Variants in PCDHGA7 observed in about 807,000 individuals in gnomAD.
PCDHGA7 encodes protocadherin gamma-A7.
In PCDHGA7, 44 loss-of-function variants were observed where a neutral mutation model predicts 58.3. The ratio of observed to expected loss-of-function variants is 0.75; its 90% CI spans 0.59 to 0.97. The LOEUF is 0.97. PCDHGA7 is among the 50% of genes least tolerant of loss of function. The pLI is 0.00. For missense variants in PCDHGA7, 1,266 were observed against 1,188.7 expected, an observed-to-expected ratio of 1.06 and a Z score of -0.96; for synonymous variants, 516 against 504.2, an observed-to-expected ratio of 1.02 and a Z score of -0.31.
chr5:141,393,578 G>A (rs748225192), intron 1 of PCDHGA7: 2 of 1,613,812 alleles, frequency 1.2e-6, no homozygotes, highest in South Asian at 1.1e-5. Context: ...TTGAGAACAT[G>A]CCCCCAGGCA....
At position 141,438,623 on chromosome 5, in the gene PCDHGA7, TATATATATATATAC is replaced by T. The variant is rs537048311; in HGVS notation, c.2424+53302_2424+53315del. Among the ~76,000 whole-genome samples the T allele has an allele frequency of 0.015, 646 of 42,812 alleles. 25 individuals are homozygous for T. In the East Asian group the frequency reaches 0.19, roughly 12 times the overall value. The allele number at this position is 42,812 out of a possible 152,430, so 28.1% of individuals were successfully genotyped here. A position where few individuals can be genotyped will look rare whatever the true frequency, so the allele number is the denominator to read the frequency against. On this transcript the variant is annotated intron_variant, in intron 1 of 3. Transcript: ENST00000518325. ...ATATATATATATATATATATATATA[TATATATATATATAC>T]ACACACACACACACATATATGTATA...
At chr5:141,423,119 G>T (rs769320490) in intron 1 of PCDHGA7, 2 of 1,613,774 alleles carry the variant, frequency 1.2e-6, no homozygotes, top group Non-Finnish European at 1.7e-6. Context: ...CGTACAGCGC[G>T]GGCACTGCTG....
At chr5:141,412,591 A>G (rs2095564760) in intron 1 of PCDHGA7, 1 of 152,214 alleles carries the variant, frequency 6.6e-6, no homozygotes, top group Non-Finnish European at 1.5e-5. Flanking sequence ...ATGAATGTAT[A>G]CTAAATAAAA....
At position 141,486,141 on chromosome 5, in the gene PCDHGA7, G is replaced by A. The variant is rs369317501; in HGVS notation, c.2425-8666G>A. 28 of 1,614,066 alleles carry A rather than the reference G, an allele frequency of 1.7e-5. No homozygotes were observed. The highest frequency in any genetic ancestry group is 2.3e-5 in the Non-Finnish European group (27 of 1,180,044). On this transcript the variant is annotated intron_variant, in intron 1 of 3. Transcript: ENST00000518325. This position sits in a 1 kb window ranked among gnomAD's most constrained non-coding sequence, Gnocchi z 5.0. ...TACTATGAATTTGATGTGCGGGCTC[G>A]CGATGGGGGTTCTCCAGCCATGGAG...
At chr5:141,410,058 T>C in intron 1 of PCDHGA7, 1 of 1,613,016 alleles carries the variant, frequency 6.2e-7, no homozygotes, top group Non-Finnish European at 8.5e-7. Context: ...CTCTTCAGCC[T>C]GGGGCTGCGC....
chr5:141,385,265 A>G lies in PCDHGA7; in HGVS notation c.2366A>G (p.Asp789Gly). ...LISQESCEKNDSLLTSVDFQE... is the reference protein window; with the variant it reads ...LISQESCEKNGSLLTSVDFQE... Reference sequence around the variant, plus strand: ...AGCCAGGAGAGCTGTGAGAAAAATGATTCTTTGCTAACATCCGTAGATTTT... The same window carrying G: ...AGCCAGGAGAGCTGTGAGAAAAATGGTTCTTTGCTAACATCCGTAGATTTT... Residue 789 changes from aspartate (D) to glycine (G), a missense_variant, in exon 1 of 4, where the codon GAT (aspartate) becomes GGT (glycine). By Grantham distance (94) the Asp-to-Gly change is moderately conservative (BLOSUM62 -1). Transcript: ENST00000518325. 1.2e-6 allele frequency: 2 copies of G among 1,613,710 alleles called. No individual in the cohort carries two copies. Among genetic ancestry groups the G allele is most frequent in the Non-Finnish European group, 1.7e-6 (2 of 1,179,576 alleles).
chr5:141,490,061 A>G lies in PCDHGA7; in HGVS notation c.2425-4746A>G, dbSNP rs1562135413. On this transcript the variant is annotated intron_variant, in intron 1 of 3. Transcript: ENST00000518325. This position sits in a 1 kb window ranked among gnomAD's most constrained non-coding sequence, Gnocchi z 5.4. Reference sequence around the variant, plus strand: ...GCCACTGATCCAGACGAGGGCACCAACGGCCAACTAGACTATTCTTTTGGA... The same window carrying G: ...GCCACTGATCCAGACGAGGGCACCAGCGGCCAACTAGACTATTCTTTTGGA... 1.2e-6 allele frequency: 2 copies of G among 1,614,214 alleles called. No individual in the cohort carries two copies. Among genetic ancestry groups the G allele is most frequent in the East Asian group, 2.2e-5 (1 of 44,884 alleles).
Position 141,511,165 on chromosome 5 carries a change from A to G in PCDHGA7, c.2791A>G (p.Lys931Glu). 1 of 1,614,096 alleles carries G rather than the reference A, an allele frequency of 6.2e-7. No homozygotes were observed. Among genetic ancestry groups the G allele is most frequent in the East Asian group, 2.2e-5 (1 of 44,870 alleles). ...CAAGAAGAAGTCGGGCAAGAAGGAGAAGAAGTAACATGGAGGCCAGGCCAA... is the reference window on the plus strand; with the variant it reads ...CAAGAAGAAGTCGGGCAAGAAGGAGGAGAAGTAACATGGAGGCCAGGCCAA... ...GNKKKSGKKE[K>E]K Residue 931 changes from lysine (K) to glutamate (E), a missense_variant, in exon 4 of 4, where the codon AAG (lysine) becomes GAG (glutamate). Physicochemically the swap from Lys to Glu is moderately conservative, Grantham distance 56. Transcript: ENST00000518325.
rs112078596 is a variant in PCDHGA7, at chr5:141,490,350, G to A, written c.2425-4457G>A. ...GCACACCAGTGGGCACAGTAGTGGG[G>A]TTGTTTAATGTGCGAGACCGGGACT... On this transcript the variant is annotated intron_variant, in intron 1 of 3. Coordinates refer to ENST00000518325, the MANE Select transcript of PCDHGA7 (RefSeq NM_018920.4). The surrounding 1 kb of genome is among the most constrained non-coding windows in gnomAD (Gnocchi z 5.4). 3.5e-5 allele frequency: 57 copies of A among 1,614,086 alleles called. No homozygotes were observed. The highest frequency in any genetic ancestry group is 4.6e-5 in the Non-Finnish European group (54 of 1,180,042).
At chr5:141,409,519 C>T in intron 1 of PCDHGA7, 1 of 1,614,040 alleles carries the variant, frequency 6.2e-7, no homozygotes, top group Non-Finnish European at 8.5e-7. Context: ...GAAGCATCAC[C>T]TTGTATGTCG....
At chr5:141,427,858 C>T in intron 1 of PCDHGA7, 1 of 1,555,500 alleles carries the variant, frequency 6.4e-7, no homozygotes, top group South Asian at 1.1e-5. Context: ...CAGCTGTGCG[C>T]CTTCGAGCTC....
At chr5:141,404,481 A>T in intron 1 of PCDHGA7, 1 of 1,613,836 alleles carries the variant, frequency 6.2e-7, no homozygotes, top group Non-Finnish European at 8.5e-7. Context: ...ATTAACTCAG[A>T]CACTGGTGTG....
In PCDHGA7 at chr5:141,487,120, T is replaced by C. The variant is rs1342042604; in HGVS notation, c.2425-7687T>C. 1.9e-6 allele frequency: 3 copies of C among 1,613,948 alleles called. No homozygotes were observed. Among genetic ancestry groups the C allele is most frequent in the Admixed American group, 1.7e-5 (1 of 60,028 alleles). ...AGAAGCTGGTCATTGTGGTAAAGGA[T>C]AGTGGTAGTCCACCACTCTCTACCT... On this transcript the variant is annotated intron_variant, in intron 1 of 3. Coordinates refer to ENST00000518325, the MANE Select transcript of PCDHGA7 (RefSeq NM_018920.4). The surrounding 1 kb of genome is among the most constrained non-coding windows in gnomAD (Gnocchi z 5.0).
intron 1 of PCDHGA7, chr5:141,412,044 A>T (rs1403784619): frequency 6.6e-6 from 1 of 152,194 alleles, no homozygotes; most frequent in East Asian, 1.9e-4. Context: ...AAAGAAGTGA[A>T]CTTCTATACC....
chr5:141,393,249 G>C, intron 1 of PCDHGA7: 7 of 1,613,786 alleles, frequency 4.3e-6, no homozygotes, highest in Non-Finnish European at 5.9e-6. Context: ...TAACGAAATC[G>C]CGGTTCCTGG....
At chr5:141,400,237 A>AT in intron 1 of PCDHGA7, 3 of 1,613,870 alleles carry the variant, frequency 1.9e-6, no homozygotes, top group Non-Finnish European at 2.5e-6. Flanking sequence ...CCTGGCCGTG[A>AT]TTCTGGCCGT....
chr5:141,427,855 G>T (rs2097079766), intron 1 of PCDHGA7: 1 of 1,553,826 alleles, frequency 6.4e-7, no homozygotes, highest in Non-Finnish European at 8.8e-7. Flanking sequence ...GAGCAGCTGT[G>T]CGCCTTCGAG....
intron 1 of PCDHGA7, chr5:141,395,398 T>C (rs976008795): frequency 1.2e-6 from 1 of 863,780 alleles, no homozygotes; most frequent in East Asian, 2.8e-5. Context: ...TGAACTCTAA[T>C]AGTCATAGGT....
intron 1 of PCDHGA7, chr5:141,414,963 G>T (rs2095808106): frequency 1.1e-5 from 17 of 1,614,006 alleles, no homozygotes; most frequent in Non-Finnish European, 1.4e-5. Context: ...CCAAGGTGGT[G>T]GCGGTGGACA....
Sources: gnomAD v4.1 joint callset for allele counts (sites outside exome capture counted in the v4.1 genomes callset) on GRCh38, gnomAD v4.1.1 for gene constraint, Gnocchi (gnomAD v3.1) non-coding constraint, MANE v1.5 for transcripts, NCBI Gene and HGNC (gene_info 2026-07-23, HGNC 2026-07-21) for gene names.